CWC27: variants seen among roughly 807,000 people sequenced by gnomAD.
The protein encoded by CWC27 is spliceosome-associated protein CWC27 homolog.
CWC27 carries 47 observed loss-of-function variants against 63.6 expected under a neutral mutation model. The observed-to-expected ratio is 0.74, with a 90% CI of 0.58 to 0.94. The LOEUF (loss-of-function observed/expected upper bound fraction) is 0.94. Among genes scored for constraint, CWC27 ranks in the 40% least tolerant of loss-of-function variants. The pLI, the probability that CWC27 is intolerant of heterozygous loss-of-function variation, is 0.00. For synonymous variants in CWC27, 175 were observed against 179.8 expected (o/e 0.97, Z 0.22); for missense variants, 495 against 554.3 (o/e 0.89, Z 1.07).
At chr5:64,886,537 T>C (rs1157288977) in intron 11 of CWC27, among the ~76,000 whole-genome samples, 1 of 152,132 alleles carries the variant, frequency 6.6e-6, no homozygotes, top group East Asian at 1.9e-4. Flanking sequence ...AAATAAGATG[T>C]AGCATCTAGC....
chr5:64,812,839 A>G (rs1285372086), intron 10 of CWC27, among the ~76,000 whole-genome samples: 1 of 152,182 alleles, frequency 6.6e-6, no homozygotes, highest in African/African-American at 2.4e-5. Flanking sequence ...GTCAACAATT[A>G]ATTACAATTC....
chr5:64,792,570 A>C (rs1744121638), intron 7 of CWC27, among the ~76,000 whole-genome samples: 1 of 152,136 alleles, frequency 6.6e-6, no homozygotes, highest in Non-Finnish European at 1.5e-5. Flanking sequence ...CCTTTCTTGT[A>C]ATACTGTACA....
intron 11 of CWC27, among the ~76,000 whole-genome samples, chr5:64,908,785 G>T (rs140933676): frequency 1.1e-4 from 16 of 152,202 alleles, no homozygotes; most frequent in African/African-American, 3.9e-4. Flanking sequence ...GTCTCTGCAC[G>T]TGAGATGGGT....
intron 13 of CWC27, among the ~76,000 whole-genome samples, chr5:64,991,489 C>T (rs535119573): frequency 6.6e-6 from 1 of 152,338 alleles, no homozygotes; most frequent in East Asian, 1.9e-4. Context: ...CTTTGAGAGG[C>T]TGAGATGGGA....
intron 10 of CWC27, among the ~76,000 whole-genome samples, chr5:64,882,817 C>T (rs940330826): frequency 2.6e-5 from 4 of 152,102 alleles, no homozygotes; most frequent in African/African-American, 4.8e-5. Context: ...AGGATGGTCT[C>T]GATCTCCTGA....
chr5:64,826,703 G>GT (rs796870037), intron 10 of CWC27, among the ~76,000 whole-genome samples: 3,311 of 141,884 alleles, frequency 0.023, 98 homozygotes, highest in African/African-American at 0.073. Flanking sequence ...GTGTTTTTTT[G>GT]TTTTTTTTTT....
intron 1 of CWC27, among the ~76,000 whole-genome samples, chr5:64,770,757 T>C (rs772052589): frequency 6.6e-6 from 1 of 152,202 alleles, no homozygotes; most frequent in Non-Finnish European, 1.5e-5. Flanking sequence ...TAATACTATA[T>C]TTTTCTTAGT....
At chr5:64,874,595 T>C (rs1322814744) in intron 10 of CWC27, among the ~76,000 whole-genome samples, 2 of 152,040 alleles carry the variant, frequency 1.3e-5, no homozygotes, top group Non-Finnish European at 2.9e-5. Flanking sequence ...GCCTCCTGAG[T>C]AGCTGGAGTT....
intron 13 of CWC27, among the ~76,000 whole-genome samples, chr5:65,015,798 T>G (rs1750038889): frequency 6.6e-6 from 1 of 152,198 alleles, no homozygotes; most frequent in African/African-American, 2.4e-5. Flanking sequence ...CTGCAAATCT[T>G]ACATAGTGTT....
chr5:64,901,289 G>A (rs974111561), intron 11 of CWC27, among the ~76,000 whole-genome samples: 8 of 151,670 alleles, frequency 5.3e-5, no homozygotes, highest in Admixed American at 1.3e-4. Context: ...GTGAAACCCC[G>A]TCTCTACTAA....
At chr5:64,787,324 G>A (rs184600081) in intron 6 of CWC27, among the ~76,000 whole-genome samples, 48 of 152,216 alleles carry the variant, frequency 3.2e-4, no homozygotes, top group South Asian at 1.9e-3. Context: ...CATCTCAGTT[G>A]TTCACATGAA....
intron 10 of CWC27, among the ~76,000 whole-genome samples, chr5:64,824,979 G>T (rs1435955252): frequency 6.6e-6 from 1 of 151,812 alleles, no homozygotes; most frequent in African/African-American, 2.4e-5. Flanking sequence ...TGATCCACCC[G>T]CCTCGGCCTC....
At chr5:64,830,757 G>T (rs920925832) in intron 10 of CWC27, among the ~76,000 whole-genome samples, 2 of 152,056 alleles carry the variant, frequency 1.3e-5, no homozygotes, top group Non-Finnish European at 2.9e-5. Flanking sequence ...CCATCAAAAA[G>T]TGGGCAAAGG....
At chr5:64,859,261 G>A (rs1746339805) in intron 10 of CWC27, among the ~76,000 whole-genome samples, 1 of 152,122 alleles carries the variant, frequency 6.6e-6, no homozygotes, top group Non-Finnish European at 1.5e-5. Flanking sequence ...AGGGGGTGGT[G>A]GCAGTGGCAG....
At chr5:64,914,170 G>A (rs935532537) in intron 11 of CWC27, among the ~76,000 whole-genome samples, 9 of 152,162 alleles carry the variant, frequency 5.9e-5, no homozygotes, top group African/African-American at 9.7e-5. Context: ...ATTCCAGATA[G>A]ACTGTTGATC....
At chr5:64,821,600 T>C (rs1403433297) in intron 10 of CWC27, among the ~76,000 whole-genome samples, 1 of 152,212 alleles carries the variant, frequency 6.6e-6, no homozygotes, top group Non-Finnish European at 1.5e-5. Context: ...ACATAGAGCT[T>C]ACATTCTAGT....
chr5:64,803,503 G>A (rs1361433070), intron 9 of CWC27, among the ~76,000 whole-genome samples: 1 of 152,176 alleles, frequency 6.6e-6, no homozygotes, highest in Non-Finnish European at 1.5e-5. Context: ...AAATAAGCCA[G>A]GGAAGATGAA....
intron 13 of CWC27, among the ~76,000 whole-genome samples, chr5:64,987,145 G>T (rs1749450391): frequency 6.6e-6 from 1 of 151,548 alleles, no homozygotes; most frequent in African/African-American, 2.4e-5. Context: ...TTACATATCA[G>T]TTTCCTCTTT....
intron 10 of CWC27, among the ~76,000 whole-genome samples, chr5:64,841,257 G>A (rs764245252): frequency 5.3e-5 from 8 of 152,132 alleles, no homozygotes; most frequent in Non-Finnish European, 8.8e-5. Flanking sequence ...AAGACAGAGG[G>A]AGGAAATAAG....
Sources: allele counts gnomAD v4.1 joint callset (sites outside exome capture counted in the v4.1 genomes callset), GRCh38; gene constraint gnomAD v4.1.1; transcripts MANE v1.5; gene names NCBI Gene and HGNC (gene_info 2026-07-23, HGNC 2026-07-21).